MACROD2: variants seen among roughly 807,000 people sequenced by gnomAD.
MACROD2 encodes ADP-ribose glycohydrolase MACROD2.
In MACROD2, 36 loss-of-function variants were observed where a neutral mutation model predicts 70.4. The observed-to-expected ratio is 0.51, with a 90% CI of 0.39 to 0.68. MACROD2 has a LOEUF of 0.68. MACROD2 is among the 30% of genes least tolerant of loss of function. The pLI, the probability that MACROD2 is intolerant of heterozygous loss-of-function variation, is 0.00. For missense variants in MACROD2, 496 were observed against 538.4 expected, an observed-to-expected ratio of 0.92 and a Z score of 0.78; for synonymous variants, 172 against 178.8, an observed-to-expected ratio of 0.96 and a Z score of 0.30.
At chr20:14,916,609 A>G (rs188315468) in intron 5 of MACROD2, among the ~76,000 whole-genome samples, 2 of 152,284 alleles carry the variant, frequency 1.3e-5, no homozygotes, top group African/African-American at 4.8e-5. Context: ...AATAAAATAG[A>G]TATGTGAGTG....
At chr20:15,091,415 A>G (rs754652351) in intron 5 of MACROD2, among the ~76,000 whole-genome samples, 3 of 152,182 alleles carry the variant, frequency 2.0e-5, no homozygotes, top group Non-Finnish European at 4.4e-5. Flanking sequence ...AGATAAATGA[A>G]TGAAAATATT....
At chr20:15,650,557 C>G (rs976461308) in intron 8 of MACROD2, among the ~76,000 whole-genome samples, 2 of 152,174 alleles carry the variant, frequency 1.3e-5, no homozygotes, top group Admixed American at 1.3e-4. Context: ...CTGAAAATGA[C>G]CATCTGTGTT....
chr20:14,875,523 G>T (rs2122443377), intron 5 of MACROD2, among the ~76,000 whole-genome samples: 1 of 152,136 alleles, frequency 6.6e-6, no homozygotes, highest in East Asian at 1.9e-4. Flanking sequence ...TTAGATTTGG[G>T]GGGTTCGTTA....
intron 6 of MACROD2, among the ~76,000 whole-genome samples, chr20:15,354,423 T>C (rs187059319): frequency 5.9e-5 from 9 of 152,162 alleles, no homozygotes; most frequent in Admixed American, 2.0e-4. Context: ...ATGGGTGCAG[T>C]ACACCAACAT....
At chr20:14,360,681 A>G (rs1446035834) in intron 3 of MACROD2, among the ~76,000 whole-genome samples, 1 of 152,234 alleles carries the variant, frequency 6.6e-6, no homozygotes, top group African/African-American at 2.4e-5. Context: ...TGCAAGCTAT[A>G]AAGACCTCAT....
chr20:15,744,714 AC>A, intron 8 of MACROD2, among the ~76,000 whole-genome samples: 1 of 151,726 alleles, frequency 6.6e-6, no homozygotes, highest in East Asian at 1.9e-4. Context: ...ACACACACAC[AC>A]ACACACACAC....
chr20:16,019,660 G>A (rs1362553849), intron 15 of MACROD2, among the ~76,000 whole-genome samples: 1 of 152,146 alleles, frequency 6.6e-6, no homozygotes, highest in East Asian at 1.9e-4. Flanking sequence ...GTGGTTCCTG[G>A]CCCAGCAGCA....
chr20:14,788,521 G>A (rs1306242919), intron 5 of MACROD2, among the ~76,000 whole-genome samples: 1 of 147,086 alleles, frequency 6.8e-6, no homozygotes, highest in Non-Finnish European at 1.5e-5. Flanking sequence ...AGGAGGTTGA[G>A]GGTGCAGTGA....
chr20:14,499,375 A>G (rs911630453), intron 4 of MACROD2, among the ~76,000 whole-genome samples: 1 of 152,058 alleles, frequency 6.6e-6, no homozygotes, highest in Non-Finnish European at 1.5e-5. Flanking sequence ...TACAAAAAAT[A>G]ATCAAAAATT....
intron 5 of MACROD2, among the ~76,000 whole-genome samples, chr20:14,885,924 G>A (rs1279886383): frequency 6.6e-6 from 1 of 152,116 alleles, no homozygotes; most frequent in African/African-American, 2.4e-5. Flanking sequence ...AATGTGCCAG[G>A]CACTGTTCCA....
chr20:15,728,727 G>A (rs1029122133), intron 8 of MACROD2, among the ~76,000 whole-genome samples: 1 of 152,054 alleles, frequency 6.6e-6, no homozygotes, highest in Non-Finnish European at 1.5e-5. Context: ...TTCTATTTCT[G>A]TGTGGTAGGT....
chr20:14,743,382 A>C (rs906160275), intron 5 of MACROD2, among the ~76,000 whole-genome samples: 8 of 152,140 alleles, frequency 5.3e-5, no homozygotes, highest in Non-Finnish European at 1.0e-4. Context: ...TAATCATATG[A>C]GTCCTTAAAA....
At chr20:14,997,388 C>T (rs6105352) in intron 5 of MACROD2, among the ~76,000 whole-genome samples, 3 of 152,170 alleles carry the variant, frequency 2.0e-5, no homozygotes, top group Non-Finnish European at 2.9e-5. Flanking sequence ...GTCCTTGGGC[C>T]TTAATAAACA....
intron 2 of MACROD2, among the ~76,000 whole-genome samples, chr20:14,025,527 T>C (rs1234222276): frequency 1.3e-5 from 2 of 152,124 alleles, no homozygotes; most frequent in African/African-American, 2.4e-5. Flanking sequence ...GTGTCCCAGG[T>C]ATTTTGGTAT....
At chr20:14,290,789 G>A (rs998567140) in intron 3 of MACROD2, among the ~76,000 whole-genome samples, 35 of 152,346 alleles carry the variant, frequency 2.3e-4, no homozygotes, top group East Asian at 1.9e-4. Flanking sequence ...GATTACAGGC[G>A]TGAGCCACTG....
At chr20:15,590,816 T>C (rs150496955) in intron 8 of MACROD2, among the ~76,000 whole-genome samples, 1 of 149,548 alleles carries the variant, frequency 6.7e-6, no homozygotes, top group East Asian at 2.0e-4. Flanking sequence ...GAGGTTGCAG[T>C]GAGGTGAGTC....
At chr20:15,441,648 G>T (rs184622494) in intron 7 of MACROD2, among the ~76,000 whole-genome samples, 2 of 152,178 alleles carry the variant, frequency 1.3e-5, no homozygotes, top group Admixed American at 6.5e-5. Context: ...ATAATTAAGT[G>T]ATTCAAAAAG....
chr20:15,188,024 A>C (rs955495706), intron 5 of MACROD2, among the ~76,000 whole-genome samples: 17 of 152,328 alleles, frequency 1.1e-4, no homozygotes, highest in African/African-American at 4.1e-4. Context: ...TTTCAGAAAC[A>C]CAATCGTAGG....
At chr20:15,656,554 C>T (rs1419136716) in intron 8 of MACROD2, among the ~76,000 whole-genome samples, 1 of 152,148 alleles carries the variant, frequency 6.6e-6, no homozygotes, top group Non-Finnish European at 1.5e-5. Context: ...CAATTAGAAT[C>T]GTTTGTGCCA....
Sources: allele counts gnomAD v4.1 joint callset (sites outside exome capture counted in the v4.1 genomes callset), GRCh38; gene constraint gnomAD v4.1.1; transcripts MANE v1.5; gene names NCBI Gene and HGNC (gene_info 2026-07-23, HGNC 2026-07-21).